STX17: variants seen among roughly 807,000 people sequenced by gnomAD.
The protein encoded by STX17 is syntaxin 17.
In STX17, 29 loss-of-function variants were observed where a neutral mutation model predicts 35.9. The ratio of observed to expected loss-of-function variants is 0.81; its 90% CI spans 0.60 to 1.10. The LOEUF is 1.10. Among genes scored for constraint, STX17 ranks in the 50% least tolerant of loss-of-function variants. The probability of loss-of-function intolerance (pLI) is 0.00; values close to 1 mark genes in which losing one functional copy is unlikely to be tolerated. For synonymous variants in STX17, 92 were observed against 118.3 expected (o/e 0.78, Z 1.44); for missense variants, 312 against 352.3 (o/e 0.89, Z 0.92).
intron 2 of STX17, among the ~76,000 whole-genome samples, chr9:99,924,358 G>A (rs1319260129): frequency 6.6e-6 from 1 of 152,078 alleles, no homozygotes; most frequent in Admixed American, 6.6e-5. Context: ...GGCCATGGGA[G>A]TTATGATCAA....
intron 1 of STX17, among the ~76,000 whole-genome samples, chr9:99,912,832 G>A (rs1013852334): frequency 2.6e-5 from 4 of 151,904 alleles, no homozygotes; most frequent in Admixed American, 1.3e-4. Context: ...TATTCTATCC[G>A]TTAACAGTTT....
At chr9:99,910,971 T>C (rs1828649304) in intron 1 of STX17, among the ~76,000 whole-genome samples, 1 of 152,108 alleles carries the variant, frequency 6.6e-6, no homozygotes, top group South Asian at 2.1e-4. Context: ...CTCGGCTTCC[T>C]GAGTAGCTGG....
At chr9:99,935,342 A>G (rs899768513) in intron 3 of STX17, among the ~76,000 whole-genome samples, 3 of 152,080 alleles carry the variant, frequency 2.0e-5, no homozygotes, top group African/African-American at 7.2e-5. Context: ...AAAAAAAAAA[A>G]AAAAAAGAAA....
intron 3 of STX17, among the ~76,000 whole-genome samples, chr9:99,945,364 A>G (rs1405890316): frequency 6.6e-6 from 1 of 152,070 alleles, no homozygotes; most frequent in Non-Finnish European, 1.5e-5. Context: ...CTTTATTTTT[A>G]GCAATGTTTT....
At chr9:99,947,781 C>T (rs1348828394) in intron 3 of STX17, among the ~76,000 whole-genome samples, 2 of 152,024 alleles carry the variant, frequency 1.3e-5, no homozygotes, top group Non-Finnish European at 1.5e-5. Context: ...CAGGTCTTGG[C>T]ATTGAAATTT....
intron 1 of STX17, chr9:99,907,530 G>C (rs1300549180): frequency 6.6e-6 from 1 of 152,176 alleles, no homozygotes; most frequent in Admixed American, 6.5e-5. Context: ...ACATGATAAA[G>C]TTTGTAAAGC....
At chr9:99,912,805 T>G (rs927062597) in intron 1 of STX17, among the ~76,000 whole-genome samples, 12 of 152,220 alleles carry the variant, frequency 7.9e-5, no homozygotes, top group African/African-American at 2.9e-4. Context: ...TTTTCTTTGT[T>G]CTTTCATCCA....
intron 3 of STX17, among the ~76,000 whole-genome samples, chr9:99,929,602 AT>A (rs1304258246): frequency 8.1e-5 from 12 of 148,984 alleles, no homozygotes; most frequent in East Asian, 7.8e-4. Context: ...TCAGGTTTAG[AT>A]TTTTTTTTTC....
Position 99,928,808 on chromosome 9 carries a change from C to T in STX17, c.154C>T (p.His52Tyr). ...AAGGTGCAGAATCTGGGACAAGTTG[C>T]ATGAAGAGCATATCAATGCAGGACG... ...YQRCRIWDKLHEEHINAGRTV... is the reference protein window; with the variant it reads ...YQRCRIWDKLYEEHINAGRTV... Residue 52 changes from histidine (H) to tyrosine (Y), a missense_variant, in exon 3 of 8, where the codon CAT (histidine) becomes TAT (tyrosine). Physicochemically the swap from His to Tyr is moderately conservative, Grantham distance 83. Coordinates refer to ENST00000259400, the MANE Select transcript of STX17 (RefSeq NM_017919.3). 1 of 1,613,512 alleles carries T rather than the reference C, an allele frequency of 6.2e-7. No homozygotes were observed. The highest frequency in any genetic ancestry group is 8.5e-7 in the Non-Finnish European group (1 of 1,179,658).
intron 2 of STX17, 79 bp downstream of exon 2, chr9:99,915,441 G>T: frequency 2.7e-6 from 4 of 1,489,820 alleles, no homozygotes; most frequent in Non-Finnish European, 1.8e-6. Flanking sequence ...GCTAAATTTA[G>T]AATATTAGAT....
rs1015569685 is a variant in STX17 at position 99,971,375 on chromosome 9, G to A, written c.*2702G>A. ...TTGGCTGTAACCCACAGTAAAAAAC[G>A]CATTTATATCAAACCTTAGAATATG... On this transcript the variant is annotated 3_prime_UTR_variant, in exon 8 of 8. Coordinates refer to ENST00000259400, the MANE Select transcript of STX17 (RefSeq NM_017919.3). Among the ~76,000 whole-genome samples, 27 of 150,576 alleles carry A rather than the reference G, an allele frequency of 1.8e-4. No homozygotes were observed. The highest frequency in any genetic ancestry group is 4.6e-4 in the African/African-American group (19 of 40,916).
chr9:99,911,793 C>T (rs977537588), intron 1 of STX17, among the ~76,000 whole-genome samples: 10 of 152,198 alleles, frequency 6.6e-5, no homozygotes, highest in Non-Finnish European at 1.3e-4. Flanking sequence ...CCCAGGCTGC[C>T]CTCAAACTCT....
chr9:99,940,470 CTTTTTTTTT>C (rs71498721), intron 3 of STX17, among the ~76,000 whole-genome samples: 70 of 107,752 alleles, frequency 6.5e-4, no homozygotes, highest in African/African-American at 2.3e-3. Flanking sequence ...TAGAATTTTA[CTTTTTTTTT>C]TTTTTTTTTT....
At position 99,958,172 on chromosome 9, in the gene STX17, G is replaced by A. The variant is rs185442902; in HGVS notation, c.416-1745G>A. On this transcript the variant is annotated intron_variant, in intron 4 of 7. Transcript: ENST00000259400. Reference sequence around the variant, plus strand: ...ACTGAACATTTTTCAGTCCCTAAGCGTATGCACATACTGTTCTCTCTGACC... The same window carrying A: ...ACTGAACATTTTTCAGTCCCTAAGCATATGCACATACTGTTCTCTCTGACC... Among the ~76,000 whole-genome samples, 57 of 152,170 alleles carry A rather than the reference G, an allele frequency of 3.7e-4. 1 individual carries two copies. In the East Asian group the frequency reaches 5.4e-3, roughly 14 times the overall value.
At chr9:99,968,026 A>G (rs1440283784) in intron 7 of STX17, among the ~76,000 whole-genome samples, 1 of 152,238 alleles carries the variant, frequency 6.6e-6, no homozygotes, top group East Asian at 1.9e-4. Context: ...TAAGTATGTG[A>G]CAGCACACAT....
intron 1 of STX17, among the ~76,000 whole-genome samples, chr9:99,912,839 G>A (rs1828690995): frequency 1.3e-5 from 2 of 152,020 alleles, no homozygotes; most frequent in South Asian, 4.1e-4. Flanking sequence ...TCCGTTAACA[G>A]TTTATTCTAT....
rs569700928 is a variant in STX17, at chr9:99,951,041, T to C, written c.190-19T>C. 13 of 1,582,378 alleles carry C rather than the reference T, an allele frequency of 8.2e-6. No individual in the cohort carries two copies. The South Asian group carries it at 1.5e-4, about 18-fold the overall frequency. On this transcript the variant is annotated intron_variant, in intron 3 of 7. Transcript: ENST00000259400. ...TTATACTAAGAAATGGTGGCATTAA[T>C]GATTTTTTTCTTTTATAGCAACTCC...
intron 6 of STX17, among the ~76,000 whole-genome samples, chr9:99,963,720 C>T (rs757640441): frequency 2.6e-5 from 4 of 152,156 alleles, no homozygotes; most frequent in Non-Finnish European, 5.9e-5. Flanking sequence ...GGAATTCCTT[C>T]AGTCCCTTTC....
intron 2 of STX17, among the ~76,000 whole-genome samples, chr9:99,920,276 A>G (rs1828862177): frequency 6.6e-6 from 1 of 152,198 alleles, no homozygotes; most frequent in African/African-American, 2.4e-5. Flanking sequence ...TCCTACTGTT[A>G]TGAAGATATA....
Sources: allele counts gnomAD v4.1 joint callset (sites outside exome capture counted in the v4.1 genomes callset), GRCh38; gene constraint gnomAD v4.1.1; transcripts MANE v1.5; gene names NCBI Gene and HGNC (gene_info 2026-07-23, HGNC 2026-07-21).